Variants in PPFIA2 observed in about 807,000 individuals in gnomAD.
PPFIA2 encodes liprin-alpha-2.
PPFIA2 carries 46 observed loss-of-function variants against 175.5 expected under a neutral mutation model. The ratio of observed to expected loss-of-function variants is 0.26; its 90% CI spans 0.21 to 0.34. PPFIA2 has a LOEUF of 0.34. PPFIA2 is among the 10% of genes least tolerant of loss of function. The pLI is 1.00. For synonymous variants in PPFIA2, 568 were observed against 511.4 expected (o/e 1.11, Z -1.49); for missense variants, 1,179 against 1,506.1 (o/e 0.78, Z 3.60).
chr12:81,301,313 GT>G (rs1211581876), intron 22 of PPFIA2, among the ~76,000 whole-genome samples: 1 of 152,046 alleles, frequency 6.6e-6, no homozygotes, highest in Non-Finnish European at 1.5e-5. Flanking sequence ...TATGTCATAG[GT>G]TTGTGACATT....
At chr12:81,578,486 T>C (rs1343724853) in intron 4 of PPFIA2, among the ~76,000 whole-genome samples, 1 of 151,824 alleles carries the variant, frequency 6.6e-6, no homozygotes, top group African/African-American at 2.4e-5. Context: ...AAACTGTAAG[T>C]TATAGTAAAA....
At chr12:81,457,142 C>T (rs907449983) in intron 5 of PPFIA2, among the ~76,000 whole-genome samples, 2 of 151,912 alleles carry the variant, frequency 1.3e-5, no homozygotes, top group African/African-American at 4.8e-5. Flanking sequence ...TGCCACCAAG[C>T]CTGGCTGACT....
At chr12:81,586,311 G>A (rs1185883153) in intron 4 of PPFIA2, among the ~76,000 whole-genome samples, 1 of 151,778 alleles carries the variant, frequency 6.6e-6, no homozygotes, top group Non-Finnish European at 1.5e-5. Context: ...GCTGAGGTTT[G>A]CTTTTTGATA....
At chr12:81,300,109 A>G (rs1421238174) in intron 22 of PPFIA2, among the ~76,000 whole-genome samples, 1 of 152,204 alleles carries the variant, frequency 6.6e-6, no homozygotes, top group Non-Finnish European at 1.5e-5. Flanking sequence ...ACTCTGAAAA[A>G]TGCATCTATA....
At chr12:81,648,939 A>C (rs1341072801) in intron 4 of PPFIA2, among the ~76,000 whole-genome samples, 1 of 152,024 alleles carries the variant, frequency 6.6e-6, no homozygotes, top group Non-Finnish European at 1.5e-5. Flanking sequence ...GCCATATGAG[A>C]AAAAATATTT....
chr12:81,422,317 G>T (rs185751156), intron 7 of PPFIA2, among the ~76,000 whole-genome samples: 69 of 151,980 alleles, frequency 4.5e-4, no homozygotes, highest in African/African-American at 1.6e-3. Flanking sequence ...TAAGAGTGAG[G>T]AACTATGATA....
intron 28 of PPFIA2, among the ~76,000 whole-genome samples, chr12:81,269,013 T>A (rs1347424326): frequency 1.3e-5 from 2 of 152,246 alleles, no homozygotes; most frequent in African/African-American, 4.8e-5. Context: ...TCAAAAATTG[T>A]TTCCACTCTA....
chr12:81,263,159 G>T (rs762323295), intron 31 of PPFIA2, 72 bp downstream of exon 31: 44 of 1,380,860 alleles, frequency 3.2e-5, no homozygotes, highest in Non-Finnish European at 4.2e-5. Flanking sequence ...CAAAAAGCAA[G>T]GTCAGAGAAT....
At chr12:81,539,590 T>C (rs1316151860) in intron 4 of PPFIA2, among the ~76,000 whole-genome samples, 2 of 151,978 alleles carry the variant, frequency 1.3e-5, no homozygotes, top group South Asian at 4.1e-4. Flanking sequence ...ATTTGTGTTT[T>C]AGTAACTTCC....
chr12:81,743,291 C>G (rs976514302), intron 3 of PPFIA2, among the ~76,000 whole-genome samples: 3 of 151,500 alleles, frequency 2.0e-5, no homozygotes, highest in African/African-American at 7.3e-5. Context: ...GTGGCACATG[C>G]CTGTTGCCCC....
intron 21 of PPFIA2, among the ~76,000 whole-genome samples, chr12:81,337,669 A>G (rs1430525070): frequency 6.6e-6 from 1 of 152,162 alleles, no homozygotes; most frequent in Admixed American, 6.6e-5. Flanking sequence ...TTTTAAAAGT[A>G]AAGTGTCAAT....
intron 5 of PPFIA2, among the ~76,000 whole-genome samples, chr12:81,451,272 C>T (rs1209063437): frequency 1.3e-5 from 2 of 152,106 alleles, no homozygotes; most frequent in Non-Finnish European, 2.9e-5. Flanking sequence ...ACCCCTCCCC[C>T]TGACTGTTTG....
chr12:81,275,126 C>A (rs1921032), intron 28 of PPFIA2, among the ~76,000 whole-genome samples: 74,412 of 152,040 alleles, frequency 0.49, 18,577 homozygotes, highest in Non-Finnish European at 0.54. Flanking sequence ...TGTGTGGTCA[C>A]ATGCAAACTT....
chr12:81,688,816 T>TATATATAC (rs1213299307), intron 3 of PPFIA2, among the ~76,000 whole-genome samples: 2 of 147,322 alleles, frequency 1.4e-5, no homozygotes, highest in Non-Finnish European at 3.0e-5. Context: ...TATATATATA[T>TATATATAC]ATATATATCT....
chr12:81,286,167 G>A (rs922913117), intron 24 of PPFIA2, among the ~76,000 whole-genome samples: 1 of 151,992 alleles, frequency 6.6e-6, no homozygotes, highest in Non-Finnish European at 1.5e-5. Flanking sequence ...GCTGTACAAT[G>A]TATTTGTGTT....
intron 4 of PPFIA2, among the ~76,000 whole-genome samples, chr12:81,479,233 T>C (rs1449618497): frequency 6.6e-6 from 1 of 152,174 alleles, no homozygotes; most frequent in Non-Finnish European, 1.5e-5. Context: ...GAGACCAGGA[T>C]TGCAACCCCT....
At chr12:81,405,971 T>G (rs979238117) in intron 7 of PPFIA2, 68 bp from the exon 8 acceptor site, 2 of 853,398 alleles carry the variant, frequency 2.3e-6, no homozygotes, top group Non-Finnish European at 3.6e-6. Context: ...AAAATGAATT[T>G]ACTTCAATGT....
rs550580842 is a variant in PPFIA2 at position 81,664,788 on chromosome 12, G to A, written c.303+12003C>T. ...AATAGCAAAGACTTGGAACCAACCC[G>A]AATGTCCAACAATGATAGACTGGAT... On this transcript the variant is annotated intron_variant, in intron 4 of 32. Transcript: ENST00000549396. Among the ~76,000 whole-genome samples, 100 of 152,044 alleles carry A rather than the reference G, an allele frequency of 6.6e-4. No homozygotes were observed. The East Asian group carries it at 8.1e-3, about 12-fold the overall frequency.
chr12:81,715,130 A>G (rs1032730409), intron 3 of PPFIA2, among the ~76,000 whole-genome samples: 1 of 151,086 alleles, frequency 6.6e-6, no homozygotes, highest in Admixed American at 6.8e-5. Flanking sequence ...ACAAGATGGC[A>G]CAAGAACCCT....
Sources: gnomAD v4.1 joint callset for allele counts (sites outside exome capture counted in the v4.1 genomes callset) on GRCh38, gnomAD v4.1.1 for gene constraint, MANE v1.5 for transcripts, NCBI Gene and HGNC (gene_info 2026-07-23, HGNC 2026-07-21) for gene names.